The following ZFPM2 variants were observed in gnomAD, a reference collection of about 807,000 sequenced individuals.
ZFPM2 encodes the protein zinc finger protein, FOG family member 2.
ZFPM2 carries 20 observed loss-of-function variants against 98.6 expected under a neutral mutation model. The observed-to-expected ratio is 0.20, with a 90% confidence interval of 0.14 to 0.29. The LOEUF is 0.29. Ranked by LOEUF, ZFPM2 falls within the 10% of genes least tolerant of loss-of-function variation. ZFPM2 has a pLI of 1.00. For synonymous variants in ZFPM2, 518 were observed against 502.7 expected, an observed-to-expected ratio of 1.03 and a Z score of -0.41; for missense variants, 1,310 against 1,388.6, an observed-to-expected ratio of 0.94 and a Z score of 0.90.
rs564805069 is a variant in ZFPM2, at chr8:105,804,414, A to T, written c.*876A>T. On this transcript the variant is annotated 3_prime_UTR_variant, in exon 8 of 8. Coordinates refer to ENST00000407775, the MANE Select transcript of ZFPM2 (RefSeq NM_012082.4). ...TCATATATAAGATCTATTTAAATAT[A>T]AGAGTAGCAATACTGCACCTGGTGA... is the stretch of plus-strand genomic sequence containing the variant. 2.0e-5 allele frequency: 3 copies of T among 152,722 alleles called. No homozygotes were observed. The East Asian group carries it at 5.8e-4, about 30-fold the overall frequency. The allele number at this position is 152,722 out of a possible 1,614,324, so 9.5% of individuals were successfully genotyped here.
rs1165726984 is a variant in ZFPM2 at position 105,695,378 on chromosome 8, ATTT to A, written c.532+61045_532+61047del. Among the ~76,000 whole-genome samples the A allele has an allele frequency of 4.3e-4, 32 of 74,834 alleles. 1 individual carries two copies. Among genetic ancestry groups the A allele is most frequent in the African/African-American group, 7.7e-4 (14 of 18,276 alleles). The allele number at this position is 74,834 out of a possible 152,430, so 49.1% of individuals were successfully genotyped here. A position where few individuals can be genotyped will look rare whatever the true frequency, so the allele number is the denominator to read the frequency against. ...TTTAAGTCAGGCAAGAATGGTTTGT[ATTT>A]TTTTTTTTTTTTTTTTTTTTTTTGC... is the stretch of plus-strand genomic sequence containing the variant. On this transcript the variant is annotated intron_variant, in intron 5 of 7. Coordinates refer to ENST00000407775, the MANE Select transcript of ZFPM2 (RefSeq NM_012082.4).
chr8:105,608,540 T>C (rs1326491736), intron 4 of ZFPM2, among the ~76,000 whole-genome samples: 1 of 150,934 alleles, frequency 6.6e-6, no homozygotes, highest in East Asian at 1.9e-4. Context: ...AAAAGTTGAA[T>C]ATATTATTTA....
intron 5 of ZFPM2, among the ~76,000 whole-genome samples, chr8:105,700,006 A>AT (rs1281470671): frequency 6.6e-6 from 1 of 152,176 alleles, no homozygotes; most frequent in African/African-American, 2.4e-5. Flanking sequence ...AAAATGTATG[A>AT]TTTTGCCTAC....
chr8:105,361,958 A>C (rs1275349695), intron 1 of ZFPM2, among the ~76,000 whole-genome samples: 2 of 152,146 alleles, frequency 1.3e-5, no homozygotes, highest in African/African-American at 4.8e-5. Flanking sequence ...TGTAACATGC[A>C]GCCTGGGCAG....
intron 3 of ZFPM2, among the ~76,000 whole-genome samples, chr8:105,483,411 G>A (rs1270946520): frequency 4.0e-5 from 6 of 151,702 alleles, no homozygotes. Context: ...CCAACATGGT[G>A]AAACCCCATC....
rs75479210 is a variant in ZFPM2 at position 105,629,654 on chromosome 8, C to A, written c.421-4592C>A. Among the ~76,000 whole-genome samples, 899 of 152,226 alleles carry A rather than the reference C, an allele frequency of 5.9e-3. 6 individuals are homozygous for A. Among genetic ancestry groups the A allele is most frequent in the African/African-American group, 0.018 (730 of 41,546 alleles). On this transcript the variant is annotated intron_variant, in intron 4 of 7. Transcript: ENST00000407775. ...CTTTCTGGAGGTTCTAGGAGAGAAT[C>A]CATTTCGTGCTCATTCATGCAGATT...
chr8:105,515,006 G>T (rs1255359094), intron 3 of ZFPM2, among the ~76,000 whole-genome samples: 1 of 147,228 alleles, frequency 6.8e-6, no homozygotes. Context: ...TAGTGTGAAT[G>T]AATGTTTGAA....
intron 3 of ZFPM2, among the ~76,000 whole-genome samples, chr8:105,469,103 G>C (rs546736798): frequency 3.8e-4 from 58 of 152,186 alleles, no homozygotes; most frequent in South Asian, 1.7e-3. Context: ...TTGTAGCTTA[G>C]AGGTATTGTA....
chr8:105,465,926 G>T (rs1246521008), intron 3 of ZFPM2, among the ~76,000 whole-genome samples: 1 of 151,904 alleles, frequency 6.6e-6, no homozygotes, highest in Non-Finnish European at 1.5e-5. Flanking sequence ...TTGAATTTTT[G>T]TATTAGAATG....
chr8:105,482,292 A>T (rs982951658), intron 3 of ZFPM2, among the ~76,000 whole-genome samples: 11 of 152,122 alleles, frequency 7.2e-5, no homozygotes, highest in African/African-American at 2.4e-4. Context: ...TTACTCTGAT[A>T]TAGTATCTTT....
Position 105,803,299 on chromosome 8 carries a change from C to T in ZFPM2, c.3217C>T (p.His1073Tyr). The T allele has an allele frequency of 6.3e-7, 1 of 1,594,764 alleles. No individual in the cohort carries two copies. Among genetic ancestry groups the T allele is most frequent in the Non-Finnish European group, 8.5e-7 (1 of 1,170,116 alleles). The change falls in exon 8 of 8, where the codon CAC becomes TAC. Residue 1073 changes from histidine to tyrosine, a missense_variant. Physicochemically the swap from His to Tyr is moderately conservative, Grantham distance 83. Transcript: ENST00000407775. ...ISQNPQHEDDHKSPSWISENP... is the reference protein window; with the variant it reads ...ISQNPQHEDDYKSPSWISENP... Reference sequence around the variant, plus strand: ...CCAGAATCCTCAGCACGAAGACGACCACAAATCTCCCTCGTGGATCTCTGA... The same window carrying T: ...CCAGAATCCTCAGCACGAAGACGACTACAAATCTCCCTCGTGGATCTCTGA...
intron 5 of ZFPM2, among the ~76,000 whole-genome samples, chr8:105,663,532 G>A (rs1477147806): frequency 6.6e-6 from 1 of 152,116 alleles, no homozygotes; most frequent in Non-Finnish European, 1.5e-5. Context: ...TTACAGTTCA[G>A]GATTTTCTCA....
chr8:105,720,099 A>G (rs567467761), intron 5 of ZFPM2, among the ~76,000 whole-genome samples: 2 of 152,072 alleles, frequency 1.3e-5, no homozygotes, highest in African/African-American at 4.8e-5. Context: ...TAAAGATGCG[A>G]TAAGGTCCTC....
intron 4 of ZFPM2, among the ~76,000 whole-genome samples, chr8:105,575,123 G>A (rs1466612129): frequency 2.6e-5 from 4 of 152,102 alleles, no homozygotes; most frequent in Non-Finnish European, 2.9e-5. Flanking sequence ...GTGTCCCCCC[G>A]CCTCTGCTGA....
At chr8:105,735,622 A>G (rs1227937876) in intron 5 of ZFPM2, among the ~76,000 whole-genome samples, 1 of 129,422 alleles carries the variant, frequency 7.7e-6, no homozygotes, top group Non-Finnish European at 1.7e-5. Context: ...TTGAACAGAC[A>G]CAGTCAAGGT....
chr8:105,468,076 C>T (rs1327069530), intron 3 of ZFPM2, among the ~76,000 whole-genome samples: 3 of 152,006 alleles, frequency 2.0e-5, no homozygotes, highest in Admixed American at 6.6e-5. Flanking sequence ...TATCACTTCT[C>T]ATAGCTCCCA....
chr8:105,468,341 G>T (rs1223849173), intron 3 of ZFPM2, among the ~76,000 whole-genome samples: 1 of 152,006 alleles, frequency 6.6e-6, no homozygotes, highest in Non-Finnish European at 1.5e-5. Context: ...GGCCACTTCT[G>T]ATCAGGGAAC....
At chr8:105,448,660 A>G (rs753612010) in intron 3 of ZFPM2, among the ~76,000 whole-genome samples, 5 of 152,048 alleles carry the variant, frequency 3.3e-5, no homozygotes, top group Non-Finnish European at 7.4e-5. Flanking sequence ...TACAGATTTT[A>G]GATTCTGGCA....
rs778543451 is a variant in ZFPM2, at chr8:105,802,608, G to A, written c.2526G>A (p.Arg842=). 3.1e-6 allele frequency: 5 copies of A among 1,610,542 alleles called. No individual in the cohort carries two copies. The highest frequency in any genetic ancestry group is 4.2e-6 in the Non-Finnish European group (5 of 1,178,334). Reference sequence around the variant, plus strand: ...AAAAGTGTTTATCTCAGTCTGAGCGGACGACCACGTCTCCCAAAAGGCTGC... The same window carrying A: ...AAAAGTGTTTATCTCAGTCTGAGCGAACGACCACGTCTCCCAAAAGGCTGC... ...LSKKCLSQSE[R]TTTSPKRLLD... is the part of the protein sequence containing the mutation. The change falls in exon 8 of 8, where the codon CGG becomes CGA. Residue 842 remains arginine, a synonymous_variant. Transcript: ENST00000407775.
Sources: allele counts gnomAD v4.1 joint callset (sites outside exome capture counted in the v4.1 genomes callset), GRCh38; gene constraint gnomAD v4.1.1; transcripts MANE v1.5; gene names NCBI Gene and HGNC (gene_info 2026-07-23, HGNC 2026-07-21).